The following CASTOR2 variants were observed in gnomAD, a reference collection of about 807,000 sequenced individuals.
The protein encoded by CASTOR2 is cytosolic arginine sensor for mTORC1 subunit 2, also known as GATS protein like 2.
CASTOR2 carries 8 observed loss-of-function variants against 31.2 expected under a neutral mutation model. The ratio of observed to expected loss-of-function variants is 0.26; its 90% CI spans 0.15 to 0.46. CASTOR2 has a LOEUF of 0.46. CASTOR2 is among the 20% of genes least tolerant of loss of function. CASTOR2 has a pLI of 0.99. For synonymous variants in CASTOR2, 162 were observed against 158.7 expected (o/e 1.02, Z -0.16); for missense variants, 216 against 382.1 (o/e 0.57, Z 3.62).
chr7:74,974,928 A>G (rs1302194706), intron 1 of CASTOR2, among the ~76,000 whole-genome samples: 3 of 145,770 alleles, frequency 2.1e-5, no homozygotes, highest in East Asian at 4.2e-4. Context: ...TTCCCAACAC[A>G]TGCCCTATTT....
At chr7:75,021,365 G>A (rs1804997086) in intron 6 of CASTOR2, among the ~76,000 whole-genome samples, 1 of 152,172 alleles carries the variant, frequency 6.6e-6, no homozygotes, top group African/African-American at 2.4e-5. Context: ...GACTGCATGT[G>A]ATCTGCCAGT....
chr7:75,021,206 G>A (rs891417504), intron 6 of CASTOR2, among the ~76,000 whole-genome samples: 8 of 152,008 alleles, frequency 5.3e-5, no homozygotes, highest in East Asian at 3.9e-4. Context: ...TGGCCAGGCT[G>A]CTCGTGAACT....
intron 1 of CASTOR2, among the ~76,000 whole-genome samples, chr7:75,006,058 A>G (rs1179255876): frequency 3.3e-5 from 5 of 152,184 alleles, no homozygotes; most frequent in Non-Finnish European, 7.4e-5. Context: ...TGAACCTGGG[A>G]GGCGGAGGTT....
At chr7:75,011,500 C>T (rs1310165158) in intron 2 of CASTOR2, among the ~76,000 whole-genome samples, 4 of 150,286 alleles carry the variant, frequency 2.7e-5, no homozygotes, top group Admixed American at 6.7e-5. Flanking sequence ...TTTGGGAGGC[C>T]GAGGTGGGTG....
intron 7 of CASTOR2, among the ~76,000 whole-genome samples, chr7:75,023,803 G>A (rs1805063790): frequency 6.6e-6 from 1 of 152,170 alleles, no homozygotes; most frequent in African/African-American, 2.4e-5. Flanking sequence ...ACAGTACCAA[G>A]AGGATGAGGC....
intron 2 of CASTOR2, among the ~76,000 whole-genome samples, chr7:75,008,793 A>G (rs1240599795): frequency 6.6e-6 from 1 of 152,156 alleles, no homozygotes; most frequent in Admixed American, 6.6e-5. Context: ...GAACCCAGCT[A>G]AGAGTAAAGA....
chr7:74,972,487 G>A (rs1338107688), intron 1 of CASTOR2, among the ~76,000 whole-genome samples: 3 of 151,000 alleles, frequency 2.0e-5, no homozygotes, highest in African/African-American at 7.3e-5. Flanking sequence ...AAAGTCCACT[G>A]GATTGGCAAA....
At chr7:74,992,463 G>A (rs1289644329) in intron 1 of CASTOR2, among the ~76,000 whole-genome samples, 8 of 151,902 alleles carry the variant, frequency 5.3e-5, no homozygotes, top group East Asian at 1.9e-4. Context: ...TTTTTAAGAC[G>A]GAGTCTTGCT....
chr7:75,022,565 G>C (rs879110217), intron 7 of CASTOR2, among the ~76,000 whole-genome samples: 16,643 of 94,654 alleles, frequency 0.18, 949 homozygotes, highest in South Asian at 0.2. Flanking sequence ...GTCTTTGGGA[G>C]GCCGATGCAG....
intron 1 of CASTOR2, among the ~76,000 whole-genome samples, chr7:74,995,176 C>T (rs1332451342): frequency 6.6e-6 from 1 of 151,954 alleles, no homozygotes; most frequent in Non-Finnish European, 1.5e-5. Flanking sequence ...AGGAGGTGGC[C>T]TCAGGAGGAG....
intron 4 of CASTOR2, 129 bp from the exon 5 acceptor site, chr7:75,018,843 A>T: frequency 7.0e-7 from 1 of 1,434,386 alleles, no homozygotes; most frequent in South Asian, 1.3e-5. Context: ...AGGCTGGAGA[A>T]GCAGCGGTGA....
At chr7:74,980,684 A>G (rs1441834505) in intron 1 of CASTOR2, among the ~76,000 whole-genome samples, 1 of 139,384 alleles carries the variant, frequency 7.2e-6, no homozygotes, top group Non-Finnish European at 1.5e-5. Context: ...CTGGAAGAGC[A>G]CATCTGACAA....
intron 2 of CASTOR2, among the ~76,000 whole-genome samples, chr7:75,008,915 A>ATGTGCAGTG (rs1804665705): frequency 6.6e-6 from 1 of 152,060 alleles, no homozygotes; most frequent in African/African-American, 2.4e-5. Flanking sequence ...ACGTCTGTGA[A>ATGTGCAGTG]TAGCCACTGC....
chr7:74,998,685 G>A (rs1804417099), intron 1 of CASTOR2, among the ~76,000 whole-genome samples: 1 of 151,878 alleles, frequency 6.6e-6, no homozygotes. Context: ...GGAGGTGATA[G>A]GCTGGTGGGG....
intron 1 of CASTOR2, among the ~76,000 whole-genome samples, chr7:74,988,704 A>G (rs1804132097): frequency 6.6e-6 from 1 of 152,098 alleles, no homozygotes; most frequent in African/African-American, 2.4e-5. Context: ...TTTGTTTATC[A>G]TTTGAATAAC....
chr7:74,992,646 G>A (rs1229698600), intron 1 of CASTOR2, among the ~76,000 whole-genome samples: 1 of 152,218 alleles, frequency 6.6e-6, no homozygotes, highest in Admixed American at 6.6e-5. Flanking sequence ...CACCACATTG[G>A]CCAGGCTAGT....
chr7:75,020,239 T>G (rs1330913061), intron 6 of CASTOR2, 90 bp downstream of exon 6: 4 of 1,254,426 alleles, frequency 3.2e-6, no homozygotes, highest in Non-Finnish European at 4.5e-6. Context: ...ACTTTGTCTT[T>G]TATTTGTTGT....
chr7:75,015,259 C>A (rs1318234330), intron 2 of CASTOR2, among the ~76,000 whole-genome samples: 3 of 152,068 alleles, frequency 2.0e-5, no homozygotes, highest in Admixed American at 2.0e-4. Flanking sequence ...CTTTGAGCCC[C>A]TCTCTCCCTT....
chr7:74,967,595 T>C (rs1291733890), intron 1 of CASTOR2, among the ~76,000 whole-genome samples: 4 of 76,456 alleles, frequency 5.2e-5, no homozygotes, highest in African/African-American at 2.0e-4. Flanking sequence ...CGGGCTGGAG[T>C]GCAATGGCGC....
Sources: allele counts gnomAD v4.1 joint callset (sites outside exome capture counted in the v4.1 genomes callset), GRCh38; gene constraint gnomAD v4.1.1; transcripts MANE v1.5; gene names NCBI Gene and HGNC (gene_info 2026-07-23, HGNC 2026-07-21).